The following MPP7 variants were observed in gnomAD, a reference collection of about 807,000 sequenced individuals.
MPP7 encodes the protein MAGUK p55 subfamily member 7.
Under a neutral mutation model 76.5 loss-of-function variants are expected in MPP7, and 60 were observed. The observed-to-expected ratio is 0.78, with a 90% CI of 0.64 to 0.97. MPP7 has a LOEUF of 0.97. Ranked by LOEUF, MPP7 falls within the 50% of genes least tolerant of loss-of-function variation. The probability of loss-of-function intolerance (pLI) is 0.00; values close to 1 mark genes in which losing one functional copy is unlikely to be tolerated. For missense variants in MPP7, 641 were observed against 694.0 expected (o/e 0.92, Z 0.86); for synonymous variants, 237 against 244.5 (o/e 0.97, Z 0.29).
intron 1 of MPP7, among the ~76,000 whole-genome samples, chr10:28,255,577 G>A (rs576709894): frequency 4.0e-5 from 6 of 151,878 alleles, no homozygotes; most frequent in African/African-American, 1.4e-4. Flanking sequence ...ACCATGCTCA[G>A]CTAATTTTTA....
At chr10:28,255,271 G>A (rs941813160) in intron 1 of MPP7, among the ~76,000 whole-genome samples, 8 of 151,752 alleles carry the variant, frequency 5.3e-5, no homozygotes, top group African/African-American at 1.9e-4. Flanking sequence ...CCGCCACCAC[G>A]CCTGACTAGT....
upstream of MPP7, among the ~76,000 whole-genome samples, chr10:28,305,234 T>C (rs1054196144): frequency 6.6e-6 from 1 of 152,140 alleles, no homozygotes; most frequent in African/African-American, 2.4e-5. Flanking sequence ...AAAGCCAGCA[T>C]GGGTATCATG....
chr10:28,186,069 G>A (rs948287871), intron 3 of MPP7, among the ~76,000 whole-genome samples: 3 of 152,120 alleles, frequency 2.0e-5, no homozygotes, highest in African/African-American at 4.8e-5. Context: ...AGTATTGGCC[G>A]GGAGTGGTGA....
At chr10:28,078,026 C>T (rs1294152019) in intron 12 of MPP7, among the ~76,000 whole-genome samples, 1 of 152,164 alleles carries the variant, frequency 6.6e-6, no homozygotes, top group East Asian at 1.9e-4. Context: ...GAGGTAATTT[C>T]CCAAAGGTCA....
chr10:28,136,648 T>C (rs1194567428), intron 5 of MPP7, among the ~76,000 whole-genome samples: 1 of 151,984 alleles, frequency 6.6e-6, no homozygotes, highest in Non-Finnish European at 1.5e-5. Flanking sequence ...ACACTGAACA[T>C]GAGAAATAGA....
intron 1 of MPP7, chr10:28,254,833 T>C (rs576847479): frequency 6.6e-6 from 1 of 152,262 alleles, no homozygotes; most frequent in Non-Finnish European, 1.5e-5. Context: ...CAGGACTTAA[T>C]GACGACCTCA....
At chr10:28,074,282 A>AC (rs199594579) in intron 12 of MPP7, among the ~76,000 whole-genome samples, 2 of 150,800 alleles carry the variant, frequency 1.3e-5, no homozygotes, top group East Asian at 3.9e-4. Flanking sequence ...ACCTAGAGCA[A>AC]CCTTTTTTTT....
chr10:28,267,488 C>T (rs1345212126), intron 1 of MPP7, among the ~76,000 whole-genome samples: 1 of 152,018 alleles, frequency 6.6e-6, no homozygotes, highest in Admixed American at 6.6e-5. Flanking sequence ...ATCTCTAATA[C>T]AAAAATCTGA....
chr10:28,129,745 G>A (rs1044775287), intron 6 of MPP7, among the ~76,000 whole-genome samples: 1 of 152,028 alleles, frequency 6.6e-6, no homozygotes, highest in Non-Finnish European at 1.5e-5. Context: ...CATCTGAGAC[G>A]CTTTTTAAAA....
At chr10:28,067,275 G>A (rs146699069) in intron 13 of MPP7, among the ~76,000 whole-genome samples, 2 of 152,226 alleles carry the variant, frequency 1.3e-5, no homozygotes, top group South Asian at 2.1e-4. Context: ...TATAAGCAAA[G>A]CAATCATTTT....
intron 2 of MPP7, among the ~76,000 whole-genome samples, chr10:28,325,968 C>A (rs1294130410): frequency 7.6e-6 from 1 of 131,400 alleles, no homozygotes; most frequent in Non-Finnish European, 1.6e-5. Flanking sequence ...AGAGTGAGAC[C>A]TCATCTCAAA....
chr10:28,095,169 T>C (rs7086023), intron 11 of MPP7, among the ~76,000 whole-genome samples: 53,970 of 142,740 alleles, frequency 0.38, 12,735 homozygotes, highest in East Asian at 0.95. Context: ...CATACACACA[T>C]ATCTGATATA....
At chr10:28,292,994 T>C (rs1840955919) in intron 1 of MPP7, among the ~76,000 whole-genome samples, 1 of 150,062 alleles carries the variant, frequency 6.7e-6, no homozygotes, top group Admixed American at 6.6e-5. Flanking sequence ...GAAACATAAC[T>C]TTGTTAACTA....
At chr10:28,104,304 A>G (rs1853971441) in intron 11 of MPP7, among the ~76,000 whole-genome samples, 1 of 152,220 alleles carries the variant, frequency 6.6e-6, no homozygotes, top group Non-Finnish European at 1.5e-5. Context: ...AAAGGGGGCA[A>G]AGAAATGGTT....
intron 3 of MPP7, among the ~76,000 whole-genome samples, chr10:28,166,747 T>C (rs1377569358): frequency 6.6e-6 from 1 of 152,160 alleles, no homozygotes; most frequent in Non-Finnish European, 1.5e-5. Flanking sequence ...CTTACAACTC[T>C]TGTGTGAATG....
intron 1 of MPP7, among the ~76,000 whole-genome samples, chr10:28,239,661 G>GA (rs1268249157): frequency 1.3e-5 from 2 of 152,214 alleles, no homozygotes; most frequent in Middle Eastern, 3.4e-3. Context: ...GCTTTATCTG[G>GA]AAAAATATTA....
At chr10:28,166,327 T>C (rs1209771386) in intron 3 of MPP7, among the ~76,000 whole-genome samples, 1 of 151,768 alleles carries the variant, frequency 6.6e-6, no homozygotes, top group Non-Finnish European at 1.5e-5. Flanking sequence ...TCTAACCCTG[T>C]GTGCCCCTTT....
chr10:28,248,777 T>C (rs1225641007), intron 1 of MPP7, among the ~76,000 whole-genome samples: 1 of 152,230 alleles, frequency 6.6e-6, no homozygotes, highest in African/African-American at 2.4e-5. Context: ...AAATATCCAG[T>C]GCAGTCACCT....
intron 12 of MPP7, among the ~76,000 whole-genome samples, chr10:28,075,101 A>G (rs1852426024): frequency 1.3e-5 from 2 of 152,034 alleles, no homozygotes; most frequent in African/African-American, 4.8e-5. Flanking sequence ...GGGAGCAGGA[A>G]GAAGGGGAAG....
Sources: gnomAD v4.1 joint callset for allele counts (sites outside exome capture counted in the v4.1 genomes callset) on GRCh38, gnomAD v4.1.1 for gene constraint, MANE v1.5 for transcripts, NCBI Gene and HGNC (gene_info 2026-07-23, HGNC 2026-07-21) for gene names.